ZNF562: variants seen among roughly 807,000 people sequenced by gnomAD.
ZNF562 encodes zinc finger protein 562.
ZNF562 carries 13 observed loss-of-function variants against 17.5 expected under a neutral mutation model. That is an observed-to-expected ratio of 0.74 (90% CI 0.48 to 1.18). The LOEUF is 1.18. ZNF562 is among the 50% of genes most tolerant of loss of function. The pLI is 0.00. For missense variants in ZNF562, 481 were observed against 498.5 expected (o/e 0.96, Z 0.33); for synonymous variants, 163 against 165.4 (o/e 0.99, Z 0.11).
At chr19:9,665,364 G>C (rs578010295) in intron 1 of ZNF562, among the ~76,000 whole-genome samples, 25 of 152,176 alleles carry the variant, frequency 1.6e-4, no homozygotes, top group African/African-American at 6.0e-4. Context: ...TACCAATTCA[G>C]TTTCTACACT....
intron 2 of ZNF562, among the ~76,000 whole-genome samples, chr19:9,660,308 G>T (rs569880989): frequency 2.6e-4 from 40 of 151,896 alleles, no homozygotes; most frequent in African/African-American, 9.7e-4. Context: ...AGAGCATTCT[G>T]CGTCTTACTT....
chr19:9,654,677 G>A (rs1164222527), intron 5 of ZNF562, among the ~76,000 whole-genome samples: 2 of 151,920 alleles, frequency 1.3e-5, no homozygotes, highest in African/African-American at 4.8e-5. Flanking sequence ...TCAAACTCTT[G>A]ACCTTCTCAT....
At position 9,651,166 on chromosome 19, in the gene ZNF562, T is replaced by C. The variant is rs1189923090; in HGVS notation, c.*1783A>G. 2 of 151,634 alleles carry C rather than the reference T, an allele frequency of 1.3e-5. No homozygotes were observed. Among genetic ancestry groups the C allele is most frequent in the Non-Finnish European group, 2.9e-5 (2 of 67,938 alleles). The allele number at this position is 151,634 out of a possible 1,614,324, so 9.4% of individuals were successfully genotyped here. ...AGCAGCTTTGAAACTGACAAATGAG[T>C]AGAGGCTGGAAAAATTCTGATGTGC... On this transcript the variant is annotated 3_prime_UTR_variant, in exon 6 of 6. Coordinates refer to ENST00000453372, the MANE Select transcript of ZNF562 (RefSeq NM_001130031.2).
At chr19:9,655,738 T>C (rs1484809117) in intron 5 of ZNF562, among the ~76,000 whole-genome samples, 1 of 127,856 alleles carries the variant, frequency 7.8e-6, no homozygotes, top group Non-Finnish European at 1.7e-5. Flanking sequence ...TTTTTTTTTT[T>C]TTTTTTTTTT....
chr19:9,644,429 A>T lies in ZNF562; in HGVS notation c.*8520T>A, dbSNP rs987903821. 6.6e-6 allele frequency: 1 copy of T among 152,182 alleles called. No homozygotes were observed. The highest frequency in any genetic ancestry group is 2.4e-5 in the African/African-American group (1 of 41,436). 9.4% of individuals were successfully genotyped at this position (152,182 alleles called of 1,614,324 possible). On this transcript the variant is annotated 3_prime_UTR_variant, in exon 6 of 6. Coordinates refer to ENST00000453372, the MANE Select transcript of ZNF562 (RefSeq NM_001130031.2). Reference sequence around the variant, plus strand: ...AATGGAGTGAGATACCTTCTCTACCAAAATAAAAAAGTGTGAGTTTAGGTG... The same window carrying T: ...AATGGAGTGAGATACCTTCTCTACCTAAATAAAAAAGTGTGAGTTTAGGTG...
At position 9,652,199 on chromosome 19, in the gene ZNF562, A is replaced by G. The variant is rs2074876785; in HGVS notation, c.*750T>C. On this transcript the variant is annotated 3_prime_UTR_variant, in exon 6 of 6. Coordinates refer to ENST00000453372, the MANE Select transcript of ZNF562 (RefSeq NM_001130031.2). ...CACTGCCACTTACATTGTGCCACCT[A>G]AAATGGACAGAGAAGACAGAACAGA... The G allele has an allele frequency of 6.6e-6, 1 of 152,234 alleles. No homozygotes were observed. The highest frequency in any genetic ancestry group is 2.4e-5 in the African/African-American group (1 of 41,462). 9.4% of individuals were successfully genotyped at this position (152,234 alleles called of 1,614,324 possible).
In ZNF562 at chr19:9,655,717, C is replaced by CTT. The variant is rs58199071; in HGVS notation, c.348+828_348+829dup. 8.0e-3 allele frequency among the ~76,000 whole-genome samples: 388 copies of CTT among 48,616 alleles called. 17 individuals carry two copies. The highest frequency in any genetic ancestry group is 0.014 in the East Asian group (15 of 1,088). 31.9% of individuals were successfully genotyped at this position (48,616 alleles called of 152,430 possible). A position where few individuals can be genotyped will look rare whatever the true frequency, so the allele number is the denominator to read the frequency against. ...TTACAGGATTCACTTTCTTTTCTTT[C>CTT]TTTTTTTTTTTTTTTTTTTTTTTTT... On this transcript the variant is annotated intron_variant, in intron 5 of 5. Coordinates refer to ENST00000453372, the MANE Select transcript of ZNF562 (RefSeq NM_001130031.2).
At chr19:9,674,257 G>A (rs2044315606) in intron 1 of ZNF562, among the ~76,000 whole-genome samples, 1 of 152,112 alleles carries the variant, frequency 6.6e-6, no homozygotes, top group South Asian at 2.1e-4. Context: ...AGTCAGGGTG[G>A]AGTAAGTAAT....
chr19:9,653,774 A>T lies in ZNF562; in HGVS notation c.456T>A (p.Thr152=). 2 of 1,614,118 alleles carry T rather than the reference A, an allele frequency of 1.2e-6. No homozygotes were observed. The highest frequency in any genetic ancestry group is 1.7e-6 in the Non-Finnish European group (2 of 1,179,998). The change falls in exon 6 of 6, where the codon ACT becomes ACA. Residue 152 remains threonine, a synonymous_variant. Coordinates refer to ENST00000453372, the MANE Select transcript of ZNF562 (RefSeq NM_001130031.2). ...THMRAQNGGN[T]FEGNCYGKDS... ...CTTTTCCATAACAATTACCCTCAAA[A>T]GTGTTCCCTCCATTCTGAGCTCTCA...
Position 9,646,076 on chromosome 19 carries a change from T to C in ZNF562, c.*6873A>G, listed in dbSNP as rs927304661. ...GTATTATTCAAGTATTTTTTCTTTTTTTTTTTTTTTTTGTGACAGAGTTTC... is the reference window on the plus strand; with the variant it reads ...GTATTATTCAAGTATTTTTTCTTTTCTTTTTTTTTTTTGTGACAGAGTTTC... On this transcript the variant is annotated 3_prime_UTR_variant, in exon 6 of 6. Transcript: ENST00000453372. 2.0e-5 allele frequency: 3 copies of C among 150,700 alleles called. No homozygotes were observed. The highest frequency in any genetic ancestry group is 2.1e-4 in the South Asian group (1 of 4,814). 9.3% of individuals were successfully genotyped at this position (150,700 alleles called of 1,614,324 possible). A position where few individuals can be genotyped will look rare whatever the true frequency, so the allele number is the denominator to read the frequency against.
intron 1 of ZNF562, among the ~76,000 whole-genome samples, chr19:9,669,899 T>C (rs1394103289): frequency 6.6e-6 from 1 of 151,856 alleles, no homozygotes; most frequent in Non-Finnish European, 1.5e-5. Context: ...CTGTCTCTAC[T>C]GAAAATACAA....
intron 1 of ZNF562, among the ~76,000 whole-genome samples, chr19:9,661,563 A>G (rs142563056): frequency 0.026 from 3,903 of 152,258 alleles, 169 homozygotes; most frequent in African/African-American, 0.089. Context: ...TGGGAGGCCA[A>G]GGCAGGTGGA....
chr19:9,656,239 G>A (rs1166055733), intron 5 of ZNF562, among the ~76,000 whole-genome samples: 1 of 152,186 alleles, frequency 6.6e-6, no homozygotes, highest in Non-Finnish European at 1.5e-5. Context: ...GCCTGACACA[G>A]TGGCTCACGC....
At chr19:9,656,402 G>T in intron 5 of ZNF562, 145 bp downstream of exon 5, 1 of 753,904 alleles carries the variant, frequency 1.3e-6, no homozygotes, top group Non-Finnish European at 2.2e-6. Flanking sequence ...CTAGCTACTC[G>T]GGAGGCTGAG....
In ZNF562 at chr19:9,650,261, T is replaced by C. The variant is rs746766486; in HGVS notation, c.*2688A>G. ...ATCATCATACGAATTTTGGGGGTCATTGTTCAGTCCAAAGTACTTAATATG... is the reference window on the plus strand; with the variant it reads ...ATCATCATACGAATTTTGGGGGTCACTGTTCAGTCCAAAGTACTTAATATG... On this transcript the variant is annotated 3_prime_UTR_variant, in exon 6 of 6. Transcript: ENST00000453372. The C allele has an allele frequency of 4.6e-5, 7 of 152,052 alleles. No homozygotes were observed. The highest frequency in any genetic ancestry group is 8.8e-5 in the Non-Finnish European group (6 of 67,980). The allele number at this position is 152,052 out of a possible 1,614,324, so 9.4% of individuals were successfully genotyped here. A position where few individuals can be genotyped will look rare whatever the true frequency, so the allele number is the denominator to read the frequency against.
intron 2 of ZNF562, 132 bp downstream of exon 2, chr19:9,660,588 A>G (rs1219349864): frequency 3.5e-6 from 3 of 852,914 alleles, no homozygotes; most frequent in Non-Finnish European, 1.8e-6. Context: ...CCTGGGCAAC[A>G]AGAGCAAAAC....
chr19:9,657,680 G>A (rs2144984449), intron 4 of ZNF562, among the ~76,000 whole-genome samples: 1 of 151,600 alleles, frequency 6.6e-6, no homozygotes, highest in Admixed American at 6.6e-5. Flanking sequence ...CCGAGTAACT[G>A]GGACTACAGG....
At chr19:9,659,535 A>G in intron 2 of ZNF562, 68 bp from the exon 3 acceptor site, 1 of 1,511,398 alleles carries the variant, frequency 6.6e-7, no homozygotes, top group Non-Finnish European at 8.9e-7. Context: ...AAGTCATTCC[A>G]TCCTAGCTTG....
At chr19:9,674,517 A>G (rs944012968) in intron 1 of ZNF562, 1 of 151,004 alleles carries the variant, frequency 6.6e-6, no homozygotes, top group African/African-American at 2.4e-5. Context: ...TCCAAATCAA[A>G]AAAAAAAAAA....
Sources: gnomAD v4.1 joint callset for allele counts (sites outside exome capture counted in the v4.1 genomes callset) on GRCh38, gnomAD v4.1.1 for gene constraint, MANE v1.5 for transcripts, NCBI Gene and HGNC (gene_info 2026-07-23, HGNC 2026-07-21) for gene names.